The following NDUFAF6 variants were observed in gnomAD, a reference collection of about 807,000 sequenced individuals.
NDUFAF6 encodes NADH:ubiquinone oxidoreductase complex assembly factor 6, also known as NADH dehydrogenase (ubiquinone) complex I, assembly factor 6.
In NDUFAF6, 45 loss-of-function variants were observed where a neutral mutation model predicts 40.8. That is an observed-to-expected ratio of 1.10 (90% confidence interval 0.87 to 1.42). The LOEUF (loss-of-function observed/expected upper bound fraction) is 1.42. Ranked by LOEUF, NDUFAF6 falls within the 40% of genes most tolerant of loss-of-function variation. The probability of loss-of-function intolerance (pLI) is 0.00; values close to 1 mark genes in which losing one functional copy is unlikely to be tolerated. For synonymous variants in NDUFAF6, 185 were observed against 155.9 expected (o/e 1.19, Z -1.39); for missense variants, 435 against 418.5 (o/e 1.04, Z -0.34).
chr8:95,107,594 G>GT (rs1809877395), downstream of NDUFAF6, among the ~76,000 whole-genome samples: 1 of 151,942 alleles, frequency 6.6e-6, no homozygotes, highest in African/African-American at 2.4e-5. Flanking sequence ...AAACCTGCAC[G>GT]TTCTGCACTT....
chr8:94,896,559 G>T (rs960268160), intron 1 of NDUFAF6: 22 of 152,178 alleles, frequency 1.4e-4, no homozygotes, highest in African/African-American at 5.3e-4. Context: ...AGATCCCCCG[G>T]GTGGAGGAGC....
intron 1 of NDUFAF6, among the ~76,000 whole-genome samples, chr8:94,943,157 T>C (rs972745365): frequency 6.6e-6 from 1 of 151,974 alleles, no homozygotes; most frequent in African/African-American, 2.4e-5. Flanking sequence ...GGGCATAGAT[T>C]TGGGAGCTGA....
chr8:94,988,520 T>TC (rs967254345), intron 2 of NDUFAF6: 1 of 152,116 alleles, frequency 6.6e-6, no homozygotes, highest in African/African-American at 2.4e-5. Flanking sequence ...CTTTTTTTTT[T>TC]CCCTCAAAAG....
chr8:95,063,932 C>T (rs369924587), intron 9 of NDUFAF6, among the ~76,000 whole-genome samples: 3 of 150,708 alleles, frequency 2.0e-5, no homozygotes, highest in African/African-American at 2.4e-5. Context: ...AGTGCAGTGG[C>T]GTGATCTCTG....
chr8:95,075,444 G>A (rs1469100670), intron 9 of NDUFAF6, among the ~76,000 whole-genome samples: 1 of 152,180 alleles, frequency 6.6e-6, no homozygotes, highest in East Asian at 1.9e-4. Flanking sequence ...TGCTTGGAAT[G>A]AAAACAATAT....
chr8:95,025,817 T>G (rs1232710710), intron 1 of NDUFAF6, among the ~76,000 whole-genome samples: 4 of 152,228 alleles, frequency 2.6e-5, no homozygotes, highest in African/African-American at 9.6e-5. Context: ...GTGTTTTGTT[T>G]GTCGGGCGTA....
chr8:94,978,747 G>C (rs1825174676), intron 1 of NDUFAF6, among the ~76,000 whole-genome samples: 1 of 152,032 alleles, frequency 6.6e-6, no homozygotes, highest in Admixed American at 6.6e-5. Flanking sequence ...GCAAACATAG[G>C]TAAACATAAG....
chr8:94,910,033 A>AT (rs1289343745), intron 1 of NDUFAF6, among the ~76,000 whole-genome samples: 4 of 148,420 alleles, frequency 2.7e-5, no homozygotes, highest in South Asian at 2.1e-4. Flanking sequence ...TCTCTCCTTC[A>AT]TTTTTTTTTC....
At chr8:95,020,777 T>C (rs780457840), upstream of NDUFAF6, among the ~76,000 whole-genome samples, 7 of 152,206 alleles carry the variant, frequency 4.6e-5, no homozygotes, top group Non-Finnish European at 8.8e-5. Flanking sequence ...AAGAGGGCCA[T>C]ATAAGCAGAT....
chr8:95,052,358 G>A, intron 8 of NDUFAF6, 128 bp downstream of exon 8: 1 of 987,200 alleles, frequency 1.0e-6, no homozygotes, highest in Non-Finnish European at 1.6e-6. Flanking sequence ...CCTCCCTCAT[G>A]GCGGCTTTCA....
exon 10 of NDUFAF6, chr8:95,075,674 G>A (rs1483297325): frequency 7.8e-7 from 1 of 1,288,256 alleles, no homozygotes; most frequent in Admixed American, 2.3e-5. Flanking sequence ...GTCTTGCACA[G>A]CCAGCCAGCC....
chr8:94,953,060 A>G (rs549826693), upstream of NDUFAF6, among the ~76,000 whole-genome samples: 3 of 152,302 alleles, frequency 2.0e-5, no homozygotes, highest in African/African-American at 7.2e-5. Context: ...TAAAACTTAG[A>G]GCAGAGGCTG....
intron 9 of NDUFAF6, chr8:95,075,543 C>A (rs2132043557): frequency 9.0e-7 from 1 of 1,113,916 alleles, no homozygotes; most frequent in Non-Finnish European, 1.2e-6. Context: ...CCTCCCCAGG[C>A]CAACCATAAG....
chr8:95,082,491 A>G (rs912401802), intron 2 of NDUFAF6, among the ~76,000 whole-genome samples: 2 of 150,418 alleles, frequency 1.3e-5, no homozygotes, highest in Non-Finnish European at 1.5e-5. Flanking sequence ...AAGGTACTTA[A>G]TACACTGTAT....
intron 2 of NDUFAF6, chr8:94,949,187 G>A (rs1321952572): frequency 6.6e-6 from 1 of 150,718 alleles, no homozygotes; most frequent in African/African-American, 2.4e-5. Context: ...GCGCGGGGAA[G>A]GGAGCGGCCG....
chr8:95,039,884 C>T (rs939749063), intron 3 of NDUFAF6, among the ~76,000 whole-genome samples: 14 of 152,204 alleles, frequency 9.2e-5, no homozygotes, highest in Non-Finnish European at 1.9e-4. Flanking sequence ...CCTGCCTTGC[C>T]TCCCAAAGTG....
chr8:95,017,071 C>T (rs527868924), intron 2 of NDUFAF6, among the ~76,000 whole-genome samples: 1 of 150,996 alleles, frequency 6.6e-6, no homozygotes, highest in Non-Finnish European at 1.5e-5. Context: ...TAGGTAGGAC[C>T]ACAGGTGTAC....
At chr8:95,105,060 CACACACAGAGAGAGAGAGAG>C (rs1289811471), downstream of NDUFAF6, among the ~76,000 whole-genome samples, 29 of 58,956 alleles carry the variant, frequency 4.9e-4, no homozygotes, top group East Asian at 4.0e-3. Context: ...CACACACACA[CACACACAGAGAGAGAGAGAG>C]AGAGAGAGAG....
upstream of NDUFAF6, among the ~76,000 whole-genome samples, chr8:95,095,443 C>A (rs961039217): frequency 6.6e-6 from 1 of 152,080 alleles, no homozygotes; most frequent in Non-Finnish European, 1.5e-5. Context: ...AACCAAGGTG[C>A]AAACTAAAGG....
Sources: allele counts gnomAD v4.1 joint callset (sites outside exome capture counted in the v4.1 genomes callset), GRCh38; gene constraint gnomAD v4.1.1; transcripts MANE v1.5; gene names NCBI Gene and HGNC (gene_info 2026-07-23, HGNC 2026-07-21).